Variants in SYNE2 observed in about 807,000 individuals in gnomAD.
SYNE2 encodes spectrin repeat containing nuclear envelope protein 2, also known as nesprin-2.
In SYNE2, 431 loss-of-function variants were observed where a neutral mutation model predicts 856.3. The observed-to-expected ratio is 0.50, with a 90% CI of 0.47 to 0.55. SYNE2 has a LOEUF of 0.55. Ranked by LOEUF, SYNE2 falls within the 20% of genes least tolerant of loss-of-function variation. The pLI is 0.00. For missense variants in SYNE2, 8,129 were observed against 8,023.2 expected, an observed-to-expected ratio of 1.01 and a Z score of -0.50; for synonymous variants, 2,923 against 2,872.3, an observed-to-expected ratio of 1.02 and a Z score of -0.56.
intron 113 of SYNE2, among the ~76,000 whole-genome samples, chr14:64,223,661 T>A (rs959754310): frequency 2.6e-5 from 4 of 152,194 alleles, no homozygotes; most frequent in African/African-American, 9.7e-5. Flanking sequence ...AGAAGGGTTC[T>A]TGCCATGCTG....
rs1356271376 is a variant in SYNE2 at position 64,051,129 on chromosome 14, A to G, written c.7644-428A>G. On this transcript the variant is annotated intron_variant, in intron 47 of 115. Coordinates refer to ENST00000555002, the MANE Select transcript of SYNE2 (RefSeq NM_182914.3). ...ATTAGCTTGATGATTACAGCTTTTT[A>G]GTCAATATTTTTCCCTTTGTTGAAA... 2.6e-5 allele frequency among the ~76,000 whole-genome samples: 4 copies of G among 152,168 alleles called. No individual in the cohort carries two copies. The East Asian group carries it at 7.7e-4, about 29-fold the overall frequency.
At chr14:64,034,419 A>C in intron 45 of SYNE2, 1 of 441,936 alleles carries the variant, frequency 2.3e-6, no homozygotes, top group Non-Finnish European at 4.0e-6. Flanking sequence ...AGATTATTTT[A>C]AATAGACCCC....
chr14:64,005,477 C>A (rs1291003290), intron 30 of SYNE2, among the ~76,000 whole-genome samples: 1 of 152,184 alleles, frequency 6.6e-6, no homozygotes, highest in Non-Finnish European at 1.5e-5. Context: ...AGCATTGGAA[C>A]CTTCCTCTGG....
chr14:64,164,204 G>A (rs1180344343), intron 89 of SYNE2, among the ~76,000 whole-genome samples: 1 of 151,924 alleles, frequency 6.6e-6, no homozygotes, highest in Non-Finnish European at 1.5e-5. Flanking sequence ...CCGCCTCCTG[G>A]GTTTATGCCA....
intron 1 of SYNE2, among the ~76,000 whole-genome samples, chr14:63,834,315 AT>A (rs1358368067): frequency 6.6e-6 from 1 of 152,092 alleles, no homozygotes; most frequent in Non-Finnish European, 1.5e-5. Flanking sequence ...GTGAGCTGAG[AT>A]TGTACCCCTG....
intron 1 of SYNE2, among the ~76,000 whole-genome samples, chr14:63,779,241 C>T (rs1887219456): frequency 6.6e-6 from 1 of 151,748 alleles, no homozygotes; most frequent in African/African-American, 2.4e-5. Context: ...AGGAGCATCA[C>T]TTGAACCTGG....
intron 57 of SYNE2, among the ~76,000 whole-genome samples, chr14:64,083,995 G>A (rs528214962): frequency 2.0e-5 from 3 of 151,570 alleles, no homozygotes; most frequent in Non-Finnish European, 4.4e-5. Context: ...TGCGATCTTG[G>A]CTCACCGCAA....
Position 64,003,283 on chromosome 14 carries a change from C to G in SYNE2, c.4350C>G (p.Ile1450Met). ...ATATTCAAGATGTGCAGAGTCAAAT[C>G]AGTAAAATTGGTCTTAAGGATCCTA... ...LKNIQDVQSQ[I>M]SKIGLKDPTV... The change falls in exon 30 of 116, where the codon ATC (isoleucine) becomes ATG (methionine). Residue 1450 changes from isoleucine to methionine, a missense_variant. Ile to Met is a conservative substitution (Grantham distance 10). Transcript: ENST00000555002. The G allele has an allele frequency of 6.2e-7, 1 of 1,614,038 alleles. No individual in the cohort carries two copies. The highest frequency in any genetic ancestry group is 8.5e-7 in the Non-Finnish European group (1 of 1,180,012).
At chr14:64,148,442 G>T (rs1187723205) in intron 84 of SYNE2, among the ~76,000 whole-genome samples, 2 of 152,132 alleles carry the variant, frequency 1.3e-5, no homozygotes, top group African/African-American at 2.4e-5. Context: ...GACATGCCTG[G>T]CCGGCATCAT....
chr14:64,149,142 C>CAA (rs542725661), intron 84 of SYNE2, among the ~76,000 whole-genome samples: 2 of 140,484 alleles, frequency 1.4e-5, no homozygotes, highest in African/African-American at 2.6e-5. Context: ...CAGTCTCTAC[C>CAA]AAAAAAAAAA....
chr14:64,100,531 A>AAATATATATATATAT, intron 63 of SYNE2, among the ~76,000 whole-genome samples: 1 of 39,480 alleles, frequency 2.5e-5, no homozygotes, highest in Non-Finnish European at 4.7e-5. Context: ...AAAAAAAAAA[A>AAATATATATATATAT]ATATATATAT....
upstream of SYNE2, among the ~76,000 whole-genome samples, chr14:63,852,731 G>A (rs575450222): frequency 2.0e-5 from 3 of 152,282 alleles, no homozygotes; most frequent in East Asian, 5.8e-4. Flanking sequence ...GGGAGCTTGT[G>A]GCTCCTGTTC....
upstream of SYNE2, among the ~76,000 whole-genome samples, chr14:63,849,045 C>T (rs950131964): frequency 6.6e-6 from 1 of 152,124 alleles, no homozygotes; most frequent in Non-Finnish European, 1.5e-5. Context: ...TGTTAGTTTC[C>T]AAGTTTGACA....
At chr14:64,158,874 T>G in intron 86 of SYNE2, 79 bp downstream of exon 86, 1 of 1,458,898 alleles carries the variant, frequency 6.9e-7, no homozygotes, top group Non-Finnish European at 9.5e-7. Flanking sequence ...CGGGCATAAC[T>G]GTGTTTGTGC....
At chr14:64,092,622 G>T (rs573147207) in intron 60 of SYNE2, among the ~76,000 whole-genome samples, 49 of 152,160 alleles carry the variant, frequency 3.2e-4, no homozygotes, top group Admixed American at 5.9e-4. Flanking sequence ...AAGGCATTTT[G>T]CTTCATTATG....
At chr14:63,810,192 T>C (rs575012744) in intron 1 of SYNE2, among the ~76,000 whole-genome samples, 11 of 149,578 alleles carry the variant, frequency 7.4e-5, no homozygotes, top group African/African-American at 2.5e-4. Context: ...CAATGCACTC[T>C]AGGCTGTGCA....
rs2096768654 is a variant in SYNE2, at chr14:64,003,210, A to T, written c.4277A>T (p.Asn1426Ile). 6.2e-7 allele frequency: 1 copy of T among 1,613,906 alleles called. No individual in the cohort carries two copies. Among genetic ancestry groups the T allele is most frequent in the African/African-American group, 1.3e-5 (1 of 74,922 alleles). ...YGVQEEFTEENKLLEACIFKN... is the reference protein window; with the variant it reads ...YGVQEEFTEEIKLLEACIFKN... ...GTACAGGAGGAATTCACTGAGGAAAACAAATTACTAGAGGCTTGTATTTTC... is the reference window on the plus strand; with the variant it reads ...GTACAGGAGGAATTCACTGAGGAAATCAAATTACTAGAGGCTTGTATTTTC... Residue 1426 changes from asparagine to isoleucine, a missense_variant, in exon 30 of 116, where the codon AAC becomes ATC. By Grantham distance (149) the Asn-to-Ile change is moderately radical. Around this residue, in one of 3 missense-constraint regions of SYNE2, gnomAD observed 2,422 missense variants for 2,357.4 expected, o/e 1.03. Coordinates refer to ENST00000555002, the MANE Select transcript of SYNE2 (RefSeq NM_182914.3).
chr14:63,792,984 A>AT (rs1446736096), intron 1 of SYNE2, among the ~76,000 whole-genome samples: 1 of 152,042 alleles, frequency 6.6e-6, no homozygotes, highest in African/African-American at 2.4e-5. Flanking sequence ...CTGAAATATT[A>AT]TTTTTTATCA....
At chr14:64,107,399 A>G in intron 64 of SYNE2, 92 bp from the exon 65 acceptor site, 1 of 1,155,708 alleles carries the variant, frequency 8.7e-7, no homozygotes, top group Non-Finnish European at 1.3e-6. Flanking sequence ...TTTTGCAAGC[A>G]GGTAGTTTGT....
Sources: allele counts gnomAD v4.1 joint callset (sites outside exome capture counted in the v4.1 genomes callset), GRCh38; gene constraint gnomAD v4.1.1; regional missense constraint gnomAD v4.1.1; transcripts MANE v1.5; gene names NCBI Gene and HGNC (gene_info 2026-07-23, HGNC 2026-07-21).